Variants in MECOM observed in about 807,000 individuals in gnomAD.
The protein encoded by MECOM is histone-lysine N-methyltransferase MECOM.
In MECOM, 13 loss-of-function variants were observed where a neutral mutation model predicts 116.3. The observed-to-expected ratio is 0.11, with a 90% CI of 0.07 to 0.18. The LOEUF (loss-of-function observed/expected upper bound fraction) is 0.18. MECOM is among the 10% of genes least tolerant of loss of function. The probability of loss-of-function intolerance (pLI) is 1.00; values close to 1 mark genes in which losing one functional copy is unlikely to be tolerated. For missense variants in MECOM, 1,299 were observed against 1,509.0 expected, an observed-to-expected ratio of 0.86 and a Z score of 2.31; for synonymous variants, 528 against 535.2, an observed-to-expected ratio of 0.99 and a Z score of 0.19.
intron 1 of MECOM, among the ~76,000 whole-genome samples, chr3:169,400,123 C>A (rs1010584210): frequency 6.6e-6 from 1 of 152,116 alleles, no homozygotes; most frequent in Admixed American, 6.5e-5. Context: ...AGTGAAATGG[C>A]CTGTCAATTT....
At chr3:169,525,088 A>G (rs1757810272) in intron 1 of MECOM, among the ~76,000 whole-genome samples, 1 of 152,234 alleles carries the variant, frequency 6.6e-6, no homozygotes, top group Admixed American at 6.5e-5. Context: ...TTACCATATC[A>G]AGAAATAACG....
At chr3:169,598,352 A>G (rs1210109486) in intron 1 of MECOM, among the ~76,000 whole-genome samples, 1 of 152,244 alleles carries the variant, frequency 6.6e-6, no homozygotes, top group Non-Finnish European at 1.5e-5. Flanking sequence ...TATGAAATAA[A>G]CAGCAAGTTA....
chr3:169,475,546 C>G (rs1750217770), intron 1 of MECOM, among the ~76,000 whole-genome samples: 1 of 151,894 alleles, frequency 6.6e-6, no homozygotes. Context: ...GTAATGTTTC[C>G]TTAGCACATT....
At chr3:169,601,915 C>T (rs1022890049) in intron 1 of MECOM, among the ~76,000 whole-genome samples, 1 of 152,172 alleles carries the variant, frequency 6.6e-6, no homozygotes, top group Non-Finnish European at 1.5e-5. Context: ...CTAATTTTAT[C>T]CATGATTGGT....
chr3:169,359,247 G>A (rs1727796057), intron 2 of MECOM, among the ~76,000 whole-genome samples: 1 of 151,746 alleles, frequency 6.6e-6, no homozygotes, highest in African/African-American at 2.4e-5. Flanking sequence ...TCAGTGCTCT[G>A]AGGTGCTTAG....
chr3:169,251,501 G>A (rs1756235514), intron 2 of MECOM, among the ~76,000 whole-genome samples: 1 of 152,152 alleles, frequency 6.6e-6, no homozygotes, highest in Non-Finnish European at 1.5e-5. Context: ...CAAACTTCCA[G>A]CGACTTGAAT....
chr3:169,219,690 G>C lies in MECOM; in HGVS notation c.376-75858C>G, dbSNP rs141168003. Among the ~76,000 whole-genome samples, 567 of 151,748 alleles carry C rather than the reference G, an allele frequency of 3.7e-3. 3 individuals are homozygous for C. The highest frequency in any genetic ancestry group is 5.7e-3 in the Non-Finnish European group (385 of 67,930). On this transcript the variant is annotated intron_variant, in intron 2 of 16. Transcript: ENST00000651503. ...TGTGGTGTAGAAGGAGTGAGAGAAA[G>C]TCTGTCACACTTGCATGCCCAAATC...
chr3:169,290,861 T>C (rs1472949589), intron 2 of MECOM, among the ~76,000 whole-genome samples: 4 of 152,216 alleles, frequency 2.6e-5, no homozygotes, highest in Admixed American at 1.3e-4. Context: ...TGGACTGTAC[T>C]TGGATATGGT....
At chr3:169,517,156 G>T (rs959631366) in intron 1 of MECOM, among the ~76,000 whole-genome samples, 1 of 152,088 alleles carries the variant, frequency 6.6e-6, no homozygotes, top group Non-Finnish European at 1.5e-5. Flanking sequence ...TCATTCCCCG[G>T]GCAGGAAGCT....
chr3:169,410,194 T>C (rs1737321893), intron 1 of MECOM, among the ~76,000 whole-genome samples: 1 of 152,216 alleles, frequency 6.6e-6, no homozygotes, highest in Non-Finnish European at 1.5e-5. Flanking sequence ...AGAAAAACAG[T>C]TGTGACAAAG....
intron 10 of MECOM, among the ~76,000 whole-genome samples, chr3:169,105,192 T>C (rs1268309812): frequency 6.6e-6 from 1 of 152,182 alleles, no homozygotes; most frequent in Non-Finnish European, 1.5e-5. Flanking sequence ...TGTGCTCTTA[T>C]AGCAGTTGAC....
chr3:169,547,144 G>C (rs1394935571), intron 1 of MECOM, among the ~76,000 whole-genome samples: 1 of 152,174 alleles, frequency 6.6e-6, no homozygotes, highest in Non-Finnish European at 1.5e-5. Context: ...TCATGGGGTA[G>C]ATTTCCCCCT....
intron 1 of MECOM, among the ~76,000 whole-genome samples, chr3:169,413,419 C>T (rs768315176): frequency 2.0e-5 from 3 of 152,118 alleles, no homozygotes; most frequent in Non-Finnish European, 4.4e-5. Context: ...CAAGCACAAA[C>T]CTGGGGGGCC....
intron 1 of MECOM, among the ~76,000 whole-genome samples, chr3:169,599,087 G>T (rs1314694266): frequency 1.3e-5 from 2 of 152,162 alleles, no homozygotes; most frequent in East Asian, 1.9e-4. Context: ...ATCATTCAGG[G>T]TTTTGATAAA....
chr3:169,104,687 G>T (rs1388608568), intron 10 of MECOM, among the ~76,000 whole-genome samples: 1 of 152,130 alleles, frequency 6.6e-6, no homozygotes, highest in Non-Finnish European at 1.5e-5. Flanking sequence ...CTTTTATATG[G>T]AAAATAGCTT....
At chr3:169,370,446 C>T (rs996222783) in intron 2 of MECOM, among the ~76,000 whole-genome samples, 12 of 151,954 alleles carry the variant, frequency 7.9e-5, no homozygotes, top group African/African-American at 2.9e-4. Flanking sequence ...AGGAGAAAGA[C>T]TCCATGACAT....
chr3:169,415,174 CA>C (rs1164640159), intron 1 of MECOM, among the ~76,000 whole-genome samples: 1 of 152,192 alleles, frequency 6.6e-6, no homozygotes, highest in African/African-American at 2.4e-5. Context: ...ATCAGACTAA[CA>C]GTGGATCTCT....
At position 169,084,675 on chromosome 3, in the gene MECOM, T is replaced by G; in HGVS notation, c.*234A>C. ...CTGAATCACTTTAAGTCGCATTGATTGATCTTCCAGAAGTCAGCAGCTGCC... is the reference window on the plus strand; with the variant it reads ...CTGAATCACTTTAAGTCGCATTGATGGATCTTCCAGAAGTCAGCAGCTGCC... On this transcript the variant is annotated 3_prime_UTR_variant, in exon 17 of 17. Transcript: ENST00000651503. 1 of 454,164 alleles carries G rather than the reference T, an allele frequency of 2.2e-6. No individual in the cohort carries two copies. The highest frequency in any genetic ancestry group is 4.1e-5 in the South Asian group (1 of 24,206). 28.1% of individuals were successfully genotyped at this position (454,164 alleles called of 1,614,324 possible).
chr3:169,352,912 T>C (rs1186948142), intron 2 of MECOM, among the ~76,000 whole-genome samples: 3 of 151,956 alleles, frequency 2.0e-5, no homozygotes, highest in African/African-American at 7.2e-5. Flanking sequence ...ATCTTATCTC[T>C]CTCTGCTCTC....
Sources: allele counts gnomAD v4.1 joint callset (sites outside exome capture counted in the v4.1 genomes callset), GRCh38; gene constraint gnomAD v4.1.1; transcripts MANE v1.5; gene names NCBI Gene and HGNC (gene_info 2026-07-23, HGNC 2026-07-21).